Variants in RAD51B observed in about 807,000 individuals in gnomAD.
RAD51B encodes the protein DNA repair protein RAD51 homolog 2.
Under a neutral mutation model 42.2 loss-of-function variants are expected in RAD51B, and 38 were observed. That is an observed-to-expected ratio of 0.90 (90% CI 0.70 to 1.18). The LOEUF (loss-of-function observed/expected upper bound fraction) is 1.18, where lower values mean the gene tolerates loss of function less well. RAD51B is among the 50% of genes most tolerant of loss of function. The pLI is 0.00. For synonymous variants in RAD51B, 154 were observed against 145.2 expected, an observed-to-expected ratio of 1.06 and a Z score of -0.43; for missense variants, 373 against 400.7, an observed-to-expected ratio of 0.93 and a Z score of 0.59.
At chr14:68,435,387 G>A (rs141396813) in intron 9 of RAD51B, among the ~76,000 whole-genome samples, 4,200 of 151,794 alleles carry the variant, frequency 0.028, 151 homozygotes, top group Admixed American at 0.094. Context: ...TATATGTACC[G>A]CATTTTCTTT....
chr14:68,077,812 C>T (rs781184418), intron 7 of RAD51B, among the ~76,000 whole-genome samples: 7 of 152,124 alleles, frequency 4.6e-5, no homozygotes, highest in Admixed American at 2.0e-4. Context: ...AAAAACTAGC[C>T]GGGTGTCGTG....
Position 68,260,424 on chromosome 14 carries a change from G to A in RAD51B, c.757-31460G>A, listed in dbSNP as rs1245717176. 6.6e-5 allele frequency among the ~76,000 whole-genome samples: 10 copies of A among 151,226 alleles called. No homozygotes were observed. In the East Asian group the frequency reaches 1.8e-3, roughly 27 times the overall value. On this transcript the variant is annotated intron_variant, in intron 7 of 10. Transcript: ENST00000471583. ...AGGAGATTAACAAGAGAAAAGCATA[G>A]CACATTTATTTAACCAAAGTTTTAC...
At chr14:68,171,287 A>AT (rs1212890067) in intron 7 of RAD51B, among the ~76,000 whole-genome samples, 18 of 151,114 alleles carry the variant, frequency 1.2e-4, no homozygotes, top group Admixed American at 2.6e-4. Context: ...ACAGCGTCCT[A>AT]TTTTTTTTTG....
chr14:68,009,298 G>T (rs1226249607), intron 7 of RAD51B, among the ~76,000 whole-genome samples: 1 of 151,814 alleles, frequency 6.6e-6, no homozygotes, highest in Non-Finnish European at 1.5e-5. Context: ...ATAAAAGAAT[G>T]AGCTTAGAAG....
At chr14:68,650,959 A>C (rs1892687993) in intron 11 of RAD51B, 10 of 623,726 alleles carry the variant, frequency 1.6e-5, no homozygotes, top group Non-Finnish European at 2.9e-5. Flanking sequence ...CCTCAAAAGC[A>C]TAGCAATATG....
At chr14:68,526,087 G>A (rs779702631) in intron 10 of RAD51B, among the ~76,000 whole-genome samples, 2 of 152,164 alleles carry the variant, frequency 1.3e-5, no homozygotes, top group African/African-American at 2.4e-5. Context: ...TGTAAAATGG[G>A]GAAAATACAT....
intron 10 of RAD51B, among the ~76,000 whole-genome samples, chr14:68,485,886 G>A (rs1303598020): frequency 1.3e-5 from 2 of 152,230 alleles, no homozygotes; most frequent in East Asian, 1.9e-4. Context: ...GACTAGTCAC[G>A]TGTGGTGTTG....
intron 7 of RAD51B, among the ~76,000 whole-genome samples, chr14:67,995,569 C>T (rs1595225322): frequency 6.6e-6 from 1 of 151,938 alleles, no homozygotes; most frequent in African/African-American, 2.4e-5. Flanking sequence ...TTTTTCCCCC[C>T]TCTGAATACT....
chr14:68,377,472 A>T (rs12432583), intron 8 of RAD51B, among the ~76,000 whole-genome samples: 21,842 of 152,120 alleles, frequency 0.14, 1,775 homozygotes, highest in East Asian at 0.39. Context: ...AGTGTTTTCC[A>T]CCCAGTGTTT....
intron 7 of RAD51B, among the ~76,000 whole-genome samples, chr14:68,287,731 G>C (rs1215073913): frequency 6.6e-6 from 1 of 152,190 alleles, no homozygotes; most frequent in Non-Finnish European, 1.5e-5. Flanking sequence ...CCTATATGCT[G>C]TATAAAAGGG....
chr14:68,124,126 G>A (rs1472926720), intron 7 of RAD51B, among the ~76,000 whole-genome samples: 1 of 152,086 alleles, frequency 6.6e-6, no homozygotes, highest in South Asian at 2.1e-4. Context: ...TGTAATGGTG[G>A]CACATTGTAT....
chr14:68,471,081 G>C (rs144269739), intron 10 of RAD51B, among the ~76,000 whole-genome samples: 215 of 152,334 alleles, frequency 1.4e-3, no homozygotes, highest in African/African-American at 4.9e-3. Context: ...TCTTACATGA[G>C]GAGCTGCACT....
chr14:68,403,632 G>A (rs1193090661), intron 8 of RAD51B, among the ~76,000 whole-genome samples: 4 of 152,176 alleles, frequency 2.6e-5, no homozygotes, highest in African/African-American at 9.7e-5. Flanking sequence ...CAGAGAGACA[G>A]CTCCTTGCCT....
intron 9 of RAD51B, among the ~76,000 whole-genome samples, chr14:68,424,740 T>C (rs908330780): frequency 3.3e-5 from 5 of 152,198 alleles, no homozygotes; most frequent in African/African-American, 4.8e-5. Flanking sequence ...TCCCTTTGAC[T>C]TGAGGAGGCC....
chr14:68,673,580 A>G (rs577954396), intron 11 of RAD51B, among the ~76,000 whole-genome samples: 2 of 151,074 alleles, frequency 1.3e-5, no homozygotes, highest in African/African-American at 4.9e-5. Flanking sequence ...ACATACACAT[A>G]CTGTACATAC....
At chr14:67,894,867 C>T (rs761882027) in intron 7 of RAD51B, among the ~76,000 whole-genome samples, 5 of 152,080 alleles carry the variant, frequency 3.3e-5, no homozygotes, top group Admixed American at 6.6e-5. Context: ...GCAGCTATGC[C>T]GAGTTCTAGT....
At chr14:68,605,214 G>A (rs547753816) in intron 10 of RAD51B, among the ~76,000 whole-genome samples, 14 of 152,254 alleles carry the variant, frequency 9.2e-5, no homozygotes, top group African/African-American at 3.1e-4. Context: ...GTTCCTTCTC[G>A]ATGCACTGAG....
chr14:68,261,072 T>C (rs2080878250), intron 7 of RAD51B, among the ~76,000 whole-genome samples: 1 of 152,246 alleles, frequency 6.6e-6, no homozygotes, highest in African/African-American at 2.4e-5. Context: ...AGGTCTCATA[T>C]CCTTCAAAGA....
chr14:67,927,243 A>G (rs1035677960), intron 7 of RAD51B, among the ~76,000 whole-genome samples: 1 of 152,110 alleles, frequency 6.6e-6, no homozygotes, highest in Non-Finnish European at 1.5e-5. Context: ...CATATTTTAT[A>G]TATTTATGGG....
Sources: gnomAD v4.1 joint callset for allele counts (sites outside exome capture counted in the v4.1 genomes callset) on GRCh38, gnomAD v4.1.1 for gene constraint, MANE v1.5 for transcripts, NCBI Gene and HGNC (gene_info 2026-07-23, HGNC 2026-07-21) for gene names.